The following FCSK variants were observed in gnomAD, a reference collection of about 807,000 sequenced individuals.
FCSK encodes fucose kinase, also known as L-fucose kinase.
FCSK carries 123 observed loss-of-function variants against 122.5 expected under a neutral mutation model. The ratio of observed to expected loss-of-function variants is 1.00; its 90% CI spans 0.87 to 1.17. The LOEUF (loss-of-function observed/expected upper bound fraction) is 1.17. FCSK is among the 50% of genes most tolerant of loss of function. The pLI is 0.00. For missense variants in FCSK, 1,366 were observed against 1,450.4 expected (o/e 0.94, Z 0.95); for synonymous variants, 620 against 625.5 (o/e 0.99, Z 0.13).
At chr16:70,465,706 C>T (rs1307972899) in intron 4 of FCSK, among the ~76,000 whole-genome samples, 5 of 152,174 alleles carry the variant, frequency 3.3e-5, no homozygotes, top group South Asian at 2.1e-4. Context: ...GCTCACACAG[C>T]GCTTTGGGAG....
In FCSK at chr16:70,474,901, C is replaced by T. The variant is rs371988447; in HGVS notation, c.2267C>T (p.Pro756Leu). The T allele has an allele frequency of 1.2e-4, 191 of 1,609,376 alleles. No individual in the cohort carries two copies. The highest frequency in any genetic ancestry group is 3.2e-4 in the South Asian group (29 of 90,480). ...ATCGGAGCCAGGGCACGCCGCATCCCGGAGCCTGAGCTGTGGCTGGCGGTG... is the reference window on the plus strand; with the variant it reads ...ATCGGAGCCAGGGCACGCCGCATCCTGGAGCCTGAGCTGTGGCTGGCGGTG... ...RPIGARARRI[P>L]EPELWLAVGP... The change falls in exon 18 of 24, where the codon CCG becomes CTG. Residue 756 changes from proline (P) to leucine (L), a missense_variant. Physicochemically the swap from Pro to Leu is moderately conservative, Grantham distance 98. Coordinates refer to ENST00000288078, the MANE Select transcript of FCSK (RefSeq NM_145059.3).
At position 70,468,875 on chromosome 16, in the gene FCSK, G is replaced by A. The variant is rs761306154; in HGVS notation, c.690G>A (p.Val230=). ...PLVSGVVFFS[V]ETAERLLATH... The stretch of plus-strand genomic sequence containing the variant: ...TCTCTGGGGTTGTCTTCTTCTCTGT[G>A]GAGACTGCCGAGCGCCTCCTAGCCA... Residue 230 remains valine (V), a synonymous_variant, in exon 9 of 24, where the codon GTG becomes GTA. Transcript: ENST00000288078. 3.7e-6 allele frequency: 6 copies of A among 1,613,966 alleles called. No homozygotes were observed. The highest frequency in any genetic ancestry group is 5.1e-6 in the Non-Finnish European group (6 of 1,180,026).
Position 70,468,019 on chromosome 16 carries a change from A to T in FCSK, c.663+53A>T. 3.6e-6 allele frequency: 5 copies of T among 1,383,370 alleles called. No individual in the cohort carries two copies. In the South Asian group the frequency reaches 4.6e-5, roughly 13 times the overall value. 85.7% of individuals were successfully genotyped at this position (1,383,370 alleles called of 1,614,324 possible). On this transcript the variant is annotated intron_variant, in intron 8 of 23. Transcript: ENST00000288078. ...GCTTTGGGGACCTTATGGGACAGGG[A>T]GGGAGGGTCTGACTTCCTTCGATTC... is the stretch of plus-strand genomic sequence containing the variant.
intron 15 of FCSK, 90 bp from the exon 16 acceptor site, chr16:70,474,039 C>T (rs538775560): frequency 1.1e-5 from 13 of 1,229,036 alleles, no homozygotes; most frequent in African/African-American, 7.6e-5. Context: ...AGGGGTCTGG[C>T]GCATTTAGGG....
intron 22 of FCSK, 95 bp from the exon 23 acceptor site, chr16:70,479,085 C>A: frequency 3.1e-6 from 3 of 965,500 alleles, no homozygotes; most frequent in East Asian, 5.1e-5. Context: ...TACCATGACA[C>A]TGGCTCAGCA....
chr16:70,479,479 G>T, intron 23 of FCSK, 76 bp downstream of exon 23: 2 of 1,498,564 alleles, frequency 1.3e-6, no homozygotes, highest in Non-Finnish European at 9.1e-7. Context: ...GTTAACCAGG[G>T]GCTATATCTG....
intron 4 of FCSK, among the ~76,000 whole-genome samples, chr16:70,465,909 C>T (rs932350813): frequency 6.6e-6 from 1 of 152,098 alleles, no homozygotes; most frequent in East Asian, 1.9e-4. Flanking sequence ...GCCAAGATCG[C>T]ACTACTGCAC....
At position 70,479,783 on chromosome 16, in the gene FCSK, G is replaced by A. The variant is rs978237117; in HGVS notation, c.*103G>A. 2.3e-5 allele frequency: 19 copies of A among 830,608 alleles called. No homozygotes were observed. The highest frequency in any genetic ancestry group is 5.1e-5 in the South Asian group (3 of 58,844). 51.5% of individuals were successfully genotyped at this position (830,608 alleles called of 1,614,324 possible). A position where few individuals can be genotyped will look rare whatever the true frequency, so the allele number is the denominator to read the frequency against. On this transcript the variant is annotated 3_prime_UTR_variant, in exon 24 of 24. Coordinates refer to ENST00000288078, the MANE Select transcript of FCSK (RefSeq NM_145059.3). The stretch of plus-strand genomic sequence containing the variant: ...CCTCCTACTCCCCACCCACCTCTGC[G>A]AATCTGCTCCCAAAGGAAGCTGACC...
chr16:70,471,273 T>C lies in FCSK; in HGVS notation c.1262T>C (p.Val421Ala). ...CATGGCCGGGAGCTGCGTGACCTTG[T>C]CCTGCAGGGACACCACACGCGGCTA... ...ALHGRELRDL[V>A]LQGHHTRLHG... Residue 421 changes from valine (V) to alanine (A), a missense_variant, in exon 13 of 24, where the codon GTC becomes GCC. Coordinates refer to ENST00000288078, the MANE Select transcript of FCSK (RefSeq NM_145059.3). The C allele has an allele frequency of 5.0e-6, 8 of 1,609,254 alleles. No homozygotes were observed. The highest frequency in any genetic ancestry group is 6.8e-6 in the Non-Finnish European group (8 of 1,178,564).
chr16:70,471,476 G>T, intron 13 of FCSK, 124 bp downstream of exon 13: 1 of 1,000,284 alleles, frequency 1.0e-6, no homozygotes, highest in East Asian at 2.6e-5. Context: ...TGTGAGGAGG[G>T]TCGGATGTAG....
Position 70,478,864 on chromosome 16 carries a change from C to A in FCSK, c.2929+214C>A, listed in dbSNP as rs2048905158. 4 of 700,368 alleles carry A rather than the reference C, an allele frequency of 5.7e-6. No homozygotes were observed. In the African/African-American group the frequency reaches 7.0e-5, roughly 12 times the overall value. The allele number at this position is 700,368 out of a possible 1,614,324, so 43.4% of individuals were successfully genotyped here. A position where few individuals can be genotyped will look rare whatever the true frequency, so the allele number is the denominator to read the frequency against. On this transcript the variant is annotated intron_variant, in intron 22 of 23. Transcript: ENST00000288078. ...TCATCATGGGAAAGGCCCTCCAGCC[C>A]TAACAGGAAGCAGAGAGGGGAAGGG...
chr16:70,465,724 C>A (rs1053016048), intron 4 of FCSK, among the ~76,000 whole-genome samples: 13 of 152,024 alleles, frequency 8.6e-5, no homozygotes, highest in Non-Finnish European at 1.6e-4. Context: ...GAGGTTGAGG[C>A]GGGCAGATCA....
rs377489242 is a variant in FCSK at position 70,478,666 on chromosome 16, T to C, written c.2929+16T>C. ...TTCCGCCAAGGTGAGGGGCTTCCTC[T>C]GGGGGGGTCAGGGCACTGGGAGCGA... is the stretch of plus-strand genomic sequence containing the variant. On this transcript the variant is annotated intron_variant, in intron 22 of 23. Transcript: ENST00000288078. 1 of 1,607,662 alleles carries C rather than the reference T, an allele frequency of 6.2e-7. No homozygotes were observed. Among genetic ancestry groups the C allele is most frequent in the African/African-American group, 1.3e-5 (1 of 74,756 alleles).
chr16:70,466,287 C>A (rs373556729), intron 5 of FCSK, 30 bp downstream of exon 5: 8 of 1,611,978 alleles, frequency 5.0e-6, no homozygotes, highest in Non-Finnish European at 6.8e-6. Flanking sequence ...CGTGGTGCCT[C>A]GTCCCAGATA....
chr16:70,465,272 G>A, intron 4 of FCSK, 96 bp downstream of exon 4: 1 of 1,211,240 alleles, frequency 8.3e-7, no homozygotes, highest in Non-Finnish European at 1.2e-6. Flanking sequence ...CTGTGTGTGT[G>A]CAAGATGAAA....
chr16:70,456,189 A>G (rs902200855), intron 1 of FCSK, among the ~76,000 whole-genome samples: 1 of 152,220 alleles, frequency 6.6e-6, no homozygotes, highest in Non-Finnish European at 1.5e-5. Flanking sequence ...ACAAAACAAA[A>G]CAAAACAAAA....
chr16:70,455,139 T>A (rs1315504753), intron 1 of FCSK, among the ~76,000 whole-genome samples: 7 of 152,178 alleles, frequency 4.6e-5, no homozygotes, highest in Non-Finnish European at 7.4e-5. Flanking sequence ...TCCGTGAGCC[T>A]TTTTTTCCTC....
rs190206934 is a variant in FCSK at position 70,474,321 on chromosome 16, G to A, written c.1970G>A (p.Arg657Lys). 4.3e-6 allele frequency: 7 copies of A among 1,613,490 alleles called. No homozygotes were observed. The highest frequency in any genetic ancestry group is 2.7e-5 in the African/African-American group (2 of 75,062). Residue 657 changes from arginine to lysine, a missense_variant, in exon 16 of 24, where the codon AGG becomes AAG. By Grantham distance (26) the Arg-to-Lys change is conservative (BLOSUM62 2). Coordinates refer to ENST00000288078, the MANE Select transcript of FCSK (RefSeq NM_145059.3). The part of the protein sequence containing the change: ...AAGVEALAQE[R>K]DKWLSRPALL... ...GGCGTGGAGGCGCTTGCCCAGGAGAGGGACAAGTGGCTAAGCAGGTGTGTA... is the reference window on the plus strand; with the variant it reads ...GGCGTGGAGGCGCTTGCCCAGGAGAAGGACAAGTGGCTAAGCAGGTGTGTA...
Position 70,469,138 on chromosome 16 carries a change from TC to T in FCSK, c.784-10del. The T allele has an allele frequency of 6.2e-7, 1 of 1,613,838 alleles. No individual in the cohort carries two copies. The highest frequency in any genetic ancestry group is 2.2e-5 in the East Asian group (1 of 44,876). On this transcript the variant is annotated splice_polypyrimidine_tract_variant and intron_variant, in intron 9 of 23. Coordinates refer to ENST00000288078, the MANE Select transcript of FCSK (RefSeq NM_145059.3). ...CTGCCATGCCAATAGCTGTGCTTCT[TC>T]CCCTTCCCCTAGCTGTCTCTGTTTT...
Sources: allele counts gnomAD v4.1 joint callset (sites outside exome capture counted in the v4.1 genomes callset), GRCh38; gene constraint gnomAD v4.1.1; transcripts MANE v1.5; gene names NCBI Gene and HGNC (gene_info 2026-07-23, HGNC 2026-07-21).